Variants in FBXL2 observed in about 807,000 individuals in gnomAD.
FBXL2 encodes F-box and leucine rich repeat protein 2.
In FBXL2, 38 loss-of-function variants were observed where a neutral mutation model predicts 69.2. The ratio of observed to expected loss-of-function variants is 0.55; its 90% CI spans 0.42 to 0.72. The LOEUF (loss-of-function observed/expected upper bound fraction) is 0.72. Ranked by LOEUF, FBXL2 falls within the 30% of genes least tolerant of loss-of-function variation. The pLI is 0.00. For synonymous variants in FBXL2, 192 were observed against 201.3 expected (o/e 0.95, Z 0.39); for missense variants, 354 against 520.3 (o/e 0.68, Z 3.11).
At chr3:33,292,162 T>G (rs2035292269) in intron 1 of FBXL2, among the ~76,000 whole-genome samples, 1 of 152,152 alleles carries the variant, frequency 6.6e-6, no homozygotes, top group Admixed American at 6.6e-5. Flanking sequence ...GGTGGATCAC[T>G]TGAGCTCAGG....
intron 2 of FBXL2, among the ~76,000 whole-genome samples, chr3:33,316,243 A>G (rs762155038): frequency 2.0e-5 from 3 of 151,882 alleles, no homozygotes; most frequent in African/African-American, 7.3e-5. Context: ...TTTTTAGTAG[A>G]GATGGGGTTT....
chr3:33,307,868 G>T lies in FBXL2; in HGVS notation c.65+10143G>T, dbSNP rs574398971. Among the ~76,000 whole-genome samples, 21 of 152,062 alleles carry T rather than the reference G, an allele frequency of 1.4e-4. 1 individual carries two copies. In the East Asian group the frequency reaches 2.7e-3, roughly 20 times the overall value. On this transcript the variant is annotated intron_variant, in intron 2 of 14. Coordinates refer to ENST00000484457, the MANE Select transcript of FBXL2 (RefSeq NM_012157.5). The stretch of plus-strand genomic sequence containing the variant: ...CTAGTTGGTTTCTCATCCTCTGAAG[G>T]TGACCACATAGATTTTTTTAAAAAG...
chr3:33,416,764 T>C, the FBXL2 span: 1 of 1,612,650 alleles, frequency 6.2e-7, no homozygotes, highest in African/African-American at 1.3e-5. Context: ...TTACCTTTAC[T>C]AATTTTCCAT....
At chr3:33,310,188 G>A (rs1458496053) in intron 2 of FBXL2, among the ~76,000 whole-genome samples, 2 of 151,990 alleles carry the variant, frequency 1.3e-5, no homozygotes, top group African/African-American at 4.8e-5. Context: ...GTCTCGCTCT[G>A]TTGCCTAGGC....
chr3:33,288,104 A>G (rs115408879), intron 1 of FBXL2, among the ~76,000 whole-genome samples: 1,676 of 152,362 alleles, frequency 0.011, 11 homozygotes, highest in Middle Eastern at 0.027. Flanking sequence ...TAGGGTGGCC[A>G]TGAGAGAGAC....
intron 13 of FBXL2, among the ~76,000 whole-genome samples, chr3:33,381,646 T>A (rs111994931): frequency 0.037 from 5,513 of 149,248 alleles, 151 homozygotes; most frequent in Admixed American, 0.066. Context: ...AATAAAAATT[T>A]AAAAAAAAAA....
chr3:33,323,678 T>C (rs1482660879), intron 2 of FBXL2, among the ~76,000 whole-genome samples: 1 of 152,238 alleles, frequency 6.6e-6, no homozygotes, highest in Non-Finnish European at 1.5e-5. Context: ...ATGGTATATA[T>C]GTACCACATT....
chr3:33,378,599 T>C, intron 12 of FBXL2, 86 bp from the exon 13 acceptor site: 1 of 1,363,978 alleles, frequency 7.3e-7, no homozygotes, highest in Non-Finnish European at 1.0e-6. Context: ...CTTTTACACC[T>C]TTTGATTCTC....
intron 12 of FBXL2, among the ~76,000 whole-genome samples, chr3:33,400,548 A>G (rs972817720): frequency 5.3e-5 from 8 of 152,208 alleles, no homozygotes; most frequent in African/African-American, 1.9e-4. Flanking sequence ...TGAACATTTC[A>G]TTGTCTTAAG....
intron 2 of FBXL2, among the ~76,000 whole-genome samples, chr3:33,318,760 T>C (rs545198517): frequency 1.3e-4 from 19 of 147,364 alleles, no homozygotes; most frequent in Admixed American, 1.1e-3. Context: ...CTATTATTGC[T>C]CAACTAATAG....
intron 2 of FBXL2, among the ~76,000 whole-genome samples, chr3:33,325,131 T>A (rs2038586369): frequency 6.6e-6 from 1 of 152,196 alleles, no homozygotes; most frequent in African/African-American, 2.4e-5. Context: ...TAGGAATGCT[T>A]GTGATTTTTG....
chr3:33,293,737 A>G (rs888724287), intron 1 of FBXL2, among the ~76,000 whole-genome samples: 1 of 152,180 alleles, frequency 6.6e-6, no homozygotes, highest in Non-Finnish European at 1.5e-5. Context: ...CTGTTGAGAT[A>G]TGTGAAGGTT....
chr3:33,304,033 T>A (rs2036508932), intron 2 of FBXL2, among the ~76,000 whole-genome samples: 1 of 151,958 alleles, frequency 6.6e-6, no homozygotes, highest in African/African-American at 2.4e-5. Flanking sequence ...AAAAATTTTT[T>A]AAATGCTAAA....
At position 33,385,754 on chromosome 3, in the gene FBXL2, G is replaced by A. The variant is rs1559652466; in HGVS notation, c.*146G>A. ...GTAAAAGACTTCTGTATGGATTGCA[G>A]TTACTCTGGTGATAGTTTTCACCTT... On this transcript the variant is annotated 3_prime_UTR_variant, in exon 15 of 15. Transcript: ENST00000484457. The A allele has an allele frequency of 3.1e-6, 2 of 647,392 alleles. No homozygotes were observed. The highest frequency in any genetic ancestry group is 2.7e-5 in the East Asian group (1 of 37,000). 40.1% of individuals were successfully genotyped at this position (647,392 alleles called of 1,614,324 possible). A position where few individuals can be genotyped will look rare whatever the true frequency, so the allele number is the denominator to read the frequency against.
chr3:33,361,098 A>ATTTTTTTTT (rs58660334), intron 4 of FBXL2, among the ~76,000 whole-genome samples: 11 of 116,296 alleles, frequency 9.5e-5, no homozygotes, highest in African/African-American at 1.3e-4. Context: ...CGCCCGGCTA[A>ATTTTTTTTT]TTTTTTTTTT....
intron 12 of FBXL2, among the ~76,000 whole-genome samples, chr3:33,402,643 A>G (rs2044271958): frequency 6.6e-6 from 1 of 152,176 alleles, no homozygotes; most frequent in South Asian, 2.1e-4. Flanking sequence ...TGAAGAAAAG[A>G]CAATGATTGT....
intron 2 of FBXL2, among the ~76,000 whole-genome samples, chr3:33,305,601 G>C (rs992030102): frequency 1.3e-5 from 2 of 151,744 alleles, no homozygotes; most frequent in Non-Finnish European, 2.9e-5. Context: ...GTGTTTTTCT[G>C]TCCTCCAAAA....
intron 1 of FBXL2, among the ~76,000 whole-genome samples, chr3:33,285,368 C>G (rs2034498096): frequency 1.3e-5 from 2 of 152,056 alleles, no homozygotes; most frequent in Admixed American, 6.6e-5. Context: ...GAATATTGGC[C>G]CCCACTCTCT....
chr3:33,362,117 C>T (rs994246435), intron 4 of FBXL2, among the ~76,000 whole-genome samples: 1 of 152,196 alleles, frequency 6.6e-6, no homozygotes, highest in Admixed American at 6.5e-5. Context: ...GGTTGCATGA[C>T]TGGCACATGA....
Sources: gnomAD v4.1 joint callset for allele counts (sites outside exome capture counted in the v4.1 genomes callset) on GRCh38, gnomAD v4.1.1 for gene constraint, MANE v1.5 for transcripts, NCBI Gene and HGNC (gene_info 2026-07-23, HGNC 2026-07-21) for gene names.